The following CDH12 variants were observed in gnomAD, a reference collection of about 807,000 sequenced individuals.
CDH12 encodes the protein cadherin 12, also known as cadherin-12.
A neutral mutation model predicts 74.1 loss-of-function variants in CDH12; 41 were observed. The observed-to-expected ratio is 0.55, with a 90% CI of 0.43 to 0.72. The LOEUF is 0.72. Ranked by LOEUF, CDH12 falls within the 30% of genes least tolerant of loss-of-function variation. The pLI is 0.00. For missense variants in CDH12, 945 were observed against 977.2 expected, an observed-to-expected ratio of 0.97 and a Z score of 0.44; for synonymous variants, 399 against 355.0, an observed-to-expected ratio of 1.12 and a Z score of -1.39.
chr5:21,953,678 A>C (rs1182916336), intron 6 of CDH12, among the ~76,000 whole-genome samples: 1 of 152,186 alleles, frequency 6.6e-6, no homozygotes, highest in East Asian at 1.9e-4. Flanking sequence ...GTAGAGATGT[A>C]GCTTGTGGTG....
intron 7 of CDH12, among the ~76,000 whole-genome samples, chr5:21,843,091 T>C (rs1441088324): frequency 1.3e-5 from 2 of 152,196 alleles, no homozygotes; most frequent in Non-Finnish European, 2.9e-5. Context: ...TTCCTATTTA[T>C]TCATAGTAAA....
chr5:22,046,235 T>C (rs1739942041), intron 5 of CDH12, among the ~76,000 whole-genome samples: 1 of 152,070 alleles, frequency 6.6e-6, no homozygotes, highest in South Asian at 2.1e-4. Context: ...ACTAAACATA[T>C]TACCAATTTA....
At position 21,884,598 on chromosome 5, in the gene CDH12, T is replaced by C. The variant is rs1158996480; in HGVS notation, c.527-29808A>G. Among the ~76,000 whole-genome samples, 6 of 152,338 alleles carry C rather than the reference T, an allele frequency of 3.9e-5. No individual in the cohort carries two copies. The South Asian group carries it at 1.2e-3, about 32-fold the overall frequency. On this transcript the variant is annotated intron_variant, in intron 6 of 14. Coordinates refer to ENST00000382254, the MANE Select transcript of CDH12 (RefSeq NM_004061.5). ...ATGTACCAATGTACTGCTTTCAACC[T>C]AAATCACTGAGGCATTTTTACTACT...
intron 3 of CDH12, among the ~76,000 whole-genome samples, chr5:22,237,947 T>C (rs1752617876): frequency 6.6e-6 from 1 of 152,204 alleles, no homozygotes; most frequent in Non-Finnish European, 1.5e-5. Context: ...ACAGCTAAAA[T>C]TACCTCCAAG....
At chr5:22,644,717 C>G (rs1005361987) in intron 1 of CDH12, among the ~76,000 whole-genome samples, 2 of 151,440 alleles carry the variant, frequency 1.3e-5, no homozygotes, top group Non-Finnish European at 2.9e-5. Context: ...GAAGAAGATG[C>G]CTTTTAGGAT....
rs147080212 is a variant in CDH12 at position 22,078,541 on chromosome 5, G to A, written c.136C>T (p.Arg46Trp). 109 of 1,613,868 alleles carry A rather than the reference G, an allele frequency of 6.8e-5. No homozygotes were observed. The highest frequency in any genetic ancestry group is 1.8e-4 in the Admixed American group (11 of 59,986). Residue 46 changes from arginine (R) to tryptophan (W), a missense_variant, in exon 5 of 15, where the codon CGG becomes TGG. This residue lies in a region of CDH12 where 148 missense variants were observed against 162.8 expected (regional missense o/e 0.91). Transcript: ENST00000382254. ...RENVIHLPGQRSHFQRVKRGW... is the reference protein window; with the variant it reads ...RENVIHLPGQWSHFQRVKRGW... ...CGTTTAACACGTTGGAAATGTGACC[G>A]TTGTCCTGGCAGATGGATAACATTT...
intron 1 of CDH12, among the ~76,000 whole-genome samples, chr5:22,767,048 T>C (rs1166208099): frequency 6.6e-6 from 1 of 152,018 alleles, no homozygotes; most frequent in Non-Finnish European, 1.5e-5. Flanking sequence ...AACACACTTA[T>C]ATACTTTTAC....
chr5:22,210,134 C>T (rs1436885653), intron 4 of CDH12, among the ~76,000 whole-genome samples: 1 of 123,950 alleles, frequency 8.1e-6, no homozygotes, highest in Non-Finnish European at 1.7e-5. Flanking sequence ...TAGATACTGC[C>T]TATCTCTAGT....
chr5:22,471,120 C>T (rs576255721), intron 2 of CDH12, among the ~76,000 whole-genome samples: 7 of 152,122 alleles, frequency 4.6e-5, no homozygotes, highest in African/African-American at 1.7e-4. Flanking sequence ...GGTTGATGAA[C>T]TTACTCCTAG....
intron 1 of CDH12, among the ~76,000 whole-genome samples, chr5:22,661,105 T>C (rs548289895): frequency 6.6e-6 from 1 of 151,724 alleles, no homozygotes; most frequent in Non-Finnish European, 1.5e-5. Flanking sequence ...AATGTGCAAT[T>C]AGAGGAAGCA....
At chr5:21,802,823 C>T (rs1205614604) in intron 9 of CDH12, among the ~76,000 whole-genome samples, 1 of 151,980 alleles carries the variant, frequency 6.6e-6, no homozygotes, top group African/African-American at 2.4e-5. Flanking sequence ...GATTCCTGAC[C>T]TCAGGTGATC....
intron 1 of CDH12, among the ~76,000 whole-genome samples, chr5:22,827,466 G>A (rs548603482): frequency 1.3e-5 from 2 of 152,240 alleles, no homozygotes; most frequent in African/African-American, 2.4e-5. Context: ...ACCTCTGCTA[G>A]GGCAGTGAAG....
intron 2 of CDH12, among the ~76,000 whole-genome samples, chr5:22,427,765 C>T (rs1145542): frequency 1.3e-5 from 2 of 151,970 alleles, no homozygotes; most frequent in African/African-American, 2.4e-5. Flanking sequence ...GGAGAGAAGG[C>T]GGAGAAAATG....
intron 2 of CDH12, among the ~76,000 whole-genome samples, chr5:22,492,205 A>G (rs1691807165): frequency 6.6e-6 from 1 of 152,054 alleles, no homozygotes; most frequent in Non-Finnish European, 1.5e-5. Context: ...AATTCAGTAT[A>G]TAGGATGTGC....
intron 3 of CDH12, among the ~76,000 whole-genome samples, chr5:22,379,637 T>C (rs1741675949): frequency 6.6e-6 from 1 of 152,214 alleles, no homozygotes; most frequent in East Asian, 1.9e-4. Flanking sequence ...TTTATTTCCT[T>C]AACAATGAAT....
At chr5:22,409,545 T>C (rs563574703) in intron 2 of CDH12, among the ~76,000 whole-genome samples, 144 of 152,188 alleles carry the variant, frequency 9.5e-4, no homozygotes, top group Middle Eastern at 6.8e-3. Flanking sequence ...AGCATAACTC[T>C]AGAGTCATAA....
chr5:22,822,296 C>A (rs1749744970), intron 1 of CDH12, among the ~76,000 whole-genome samples: 1 of 152,162 alleles, frequency 6.6e-6, no homozygotes, highest in Non-Finnish European at 1.5e-5. Flanking sequence ...AAAACCTAGG[C>A]AATACCATTC....
chr5:22,474,122 T>C (rs1746073370), intron 2 of CDH12, among the ~76,000 whole-genome samples: 1 of 152,178 alleles, frequency 6.6e-6, no homozygotes, highest in Non-Finnish European at 1.5e-5. Context: ...GATGTGATAC[T>C]GCAGAGGATT....
chr5:21,968,457 G>C (rs116796814), intron 6 of CDH12, among the ~76,000 whole-genome samples: 1,849 of 152,240 alleles, frequency 0.012, 27 homozygotes, highest in South Asian at 0.06. Context: ...AAGTACTATT[G>C]CAAGTACAAG....
Sources: gnomAD v4.1 joint callset for allele counts (sites outside exome capture counted in the v4.1 genomes callset) on GRCh38, gnomAD v4.1.1 for gene constraint, gnomAD v4.1.1 regional missense constraint, MANE v1.5 for transcripts, NCBI Gene and HGNC (gene_info 2026-07-23, HGNC 2026-07-21) for gene names.